AKAP13: variants seen among roughly 807,000 people sequenced by gnomAD.
The protein encoded by AKAP13 is A-kinase anchoring protein 13.
In AKAP13, 80 loss-of-function variants were observed where a neutral mutation model predicts 264.5. The observed-to-expected ratio is 0.30, with a 90% CI of 0.25 to 0.36. The LOEUF (loss-of-function observed/expected upper bound fraction) is 0.36, where lower values mean the gene tolerates loss of function less well. Ranked by LOEUF, AKAP13 falls within the 10% of genes least tolerant of loss-of-function variation. The probability of loss-of-function intolerance (pLI) is 1.00; values close to 1 mark genes in which losing one functional copy is unlikely to be tolerated. For missense variants in AKAP13, 3,712 were observed against 3,435.2 expected (o/e 1.08, Z -2.01); for synonymous variants, 1,380 against 1,250.2 (o/e 1.10, Z -2.19).
chr15:85,491,242 T>G (rs2075712826), intron 2 of AKAP13, among the ~76,000 whole-genome samples: 1 of 151,994 alleles, frequency 6.6e-6, no homozygotes, highest in African/African-American at 2.4e-5. Context: ...CTCCTATCCC[T>G]GTGTGTACTC....
At chr15:85,509,423 T>TG (rs962749434) in intron 2 of AKAP13, among the ~76,000 whole-genome samples, 1 of 152,202 alleles carries the variant, frequency 6.6e-6, no homozygotes, top group Non-Finnish European at 1.5e-5. Flanking sequence ...CATGCTACTT[T>TG]GAGGTAATAC....
intron 2 of AKAP13, among the ~76,000 whole-genome samples, chr15:85,519,895 G>T (rs1028051150): frequency 1.3e-5 from 2 of 152,144 alleles, no homozygotes; most frequent in East Asian, 3.8e-4. Context: ...TCTCTTGTTG[G>T]CTTTAATTGT....
At chr15:85,526,723 G>A (rs1001986453) in intron 3 of AKAP13, among the ~76,000 whole-genome samples, 2 of 152,124 alleles carry the variant, frequency 1.3e-5, no homozygotes, top group African/African-American at 4.8e-5. Context: ...GCCTGGCCCT[G>A]CCCCTGGCAA....
At chr15:85,686,867 C>G (rs1260706582) in intron 16 of AKAP13, among the ~76,000 whole-genome samples, 1 of 152,168 alleles carries the variant, frequency 6.6e-6, no homozygotes, top group Non-Finnish European at 1.5e-5. Flanking sequence ...TAGTCCTGAC[C>G]TTGAAAAACT....
intron 17 of AKAP13, among the ~76,000 whole-genome samples, chr15:85,704,377 T>C (rs1384656922): frequency 1.3e-5 from 2 of 152,248 alleles, no homozygotes; most frequent in Non-Finnish European, 2.9e-5. Context: ...GCTAATGGTT[T>C]GTTTTATTTT....
chr15:85,640,665 AC>A (rs1314870484), intron 9 of AKAP13, among the ~76,000 whole-genome samples: 1 of 152,120 alleles, frequency 6.6e-6, no homozygotes, highest in Non-Finnish European at 1.5e-5. Context: ...GCCTCCTAGA[AC>A]CTTCTACTTA....
chr15:85,580,411 A>G lies in AKAP13; in HGVS notation c.2343A>G (p.Ser781=). Residue 781 remains serine (S), a synonymous_variant, in exon 7 of 37, where the codon TCA becomes TCG. Transcript: ENST00000394518. ...TGGTGCCAGACCAGGCAGTAATATC[A>G]GACAGTACTTTCTCTCTGGCAAACA... ...KELVPDQAVI[S]DSTFSLANSP... is the part of the protein sequence containing the mutation. 6.2e-7 allele frequency: 1 copy of G among 1,614,256 alleles called. No individual in the cohort carries two copies. Among genetic ancestry groups the G allele is most frequent in the Non-Finnish European group, 8.5e-7 (1 of 1,180,048 alleles).
chr15:85,405,588 T>C (rs2071622660), intron 1 of AKAP13, among the ~76,000 whole-genome samples: 1 of 152,344 alleles, frequency 6.6e-6, no homozygotes, highest in African/African-American at 2.4e-5. Flanking sequence ...TGTGAAGATT[T>C]TATCTCTGTG....
chr15:85,741,262 G>A lies in AKAP13; in HGVS notation c.7825G>A (p.Glu2609Lys), dbSNP rs780450433. 1 of 1,610,020 alleles carries A rather than the reference G, an allele frequency of 6.2e-7. No homozygotes were observed. The highest frequency in any genetic ancestry group is 8.5e-7 in the Non-Finnish European group (1 of 1,178,308). Residue 2609 changes from glutamate (E) to lysine (K), a missense_variant, in exon 35 of 37, where the codon GAG (glutamate) becomes AAG (lysine). By Grantham distance (56) the Glu-to-Lys change is moderately conservative. Around this residue, in one of 3 missense-constraint regions of AKAP13, gnomAD observed 611 missense variants for 539.3 expected, o/e 1.13. Transcript: ENST00000394518. ...RRREREWEARERELREREALL... is the reference protein window; with the variant it reads ...RRREREWEARKRELREREALL... The stretch of plus-strand genomic sequence containing the variant: ...GCGCGAGCGTGAGTGGGAAGCTCGT[G>A]AGAGGGAGCTGCGGGAGCGGGAGGC...
chr15:85,420,562 T>C (rs1220567988), intron 1 of AKAP13, among the ~76,000 whole-genome samples: 1 of 152,214 alleles, frequency 6.6e-6, no homozygotes, highest in African/African-American at 2.4e-5. Flanking sequence ...AGTTGATACT[T>C]AAAACTCTTA....
At chr15:85,538,490 CTTTT>C (rs1056287024) in intron 4 of AKAP13, among the ~76,000 whole-genome samples, 2 of 139,076 alleles carry the variant, frequency 1.4e-5, no homozygotes, top group South Asian at 2.3e-4. Flanking sequence ...GCTTTTCTTT[CTTTT>C]TTTTTTTTTT....
intron 12 of AKAP13, 46 bp downstream of exon 12, chr15:85,658,636 C>T (rs763812943): frequency 6.6e-7 from 1 of 1,516,362 alleles, no homozygotes; most frequent in Admixed American, 1.7e-5. Flanking sequence ...CACCTCTGAG[C>T]ATATACTAAC....
intron 22 of AKAP13, 30 bp from the exon 23 acceptor site, chr15:85,719,045 TC>T: frequency 6.2e-7 from 1 of 1,610,580 alleles, no homozygotes; most frequent in Non-Finnish European, 8.5e-7. Flanking sequence ...AAAAGAGTGT[TC>T]CTGACACTTG....
intron 8 of AKAP13, among the ~76,000 whole-genome samples, chr15:85,616,009 CAG>C (rs2080920425): frequency 6.6e-6 from 1 of 152,178 alleles, no homozygotes; most frequent in East Asian, 1.9e-4. Context: ...GTGTTCTCTG[CAG>C]AGAGTAAAAT....
intron 1 of AKAP13, among the ~76,000 whole-genome samples, chr15:85,411,327 C>T (rs2071953867): frequency 6.6e-6 from 1 of 152,142 alleles, no homozygotes; most frequent in African/African-American, 2.4e-5. Flanking sequence ...CCTTTGAGCA[C>T]ACATTTAAAA....
intron 14 of AKAP13, 95 bp downstream of exon 14, chr15:85,669,925 C>T (rs2083821635): frequency 2.4e-6 from 2 of 850,126 alleles, no homozygotes; most frequent in African/African-American, 3.5e-5. Context: ...ACATTACCTG[C>T]CAAAATTTGC....
intron 1 of AKAP13, among the ~76,000 whole-genome samples, chr15:85,403,014 T>C (rs1217696055): frequency 6.6e-6 from 1 of 152,262 alleles, no homozygotes; most frequent in Non-Finnish European, 1.5e-5. Flanking sequence ...TGTTCTTAAC[T>C]GCTTGTTATG....
chr15:85,532,123 T>C lies in AKAP13; in HGVS notation c.182-1461T>C, dbSNP rs117992564. On this transcript the variant is annotated intron_variant, in intron 3 of 36. Coordinates refer to ENST00000394518, the MANE Select transcript of AKAP13 (RefSeq NM_007200.5). Reference sequence around the variant, plus strand: ...GCCTCATAAAATTGTTGTGGAGAGATGACTGTCAGATGCCTGGCGTGTGCT... The same window carrying C: ...GCCTCATAAAATTGTTGTGGAGAGACGACTGTCAGATGCCTGGCGTGTGCT... 9.3e-3 allele frequency among the ~76,000 whole-genome samples: 1,423 copies of C among 152,344 alleles called. 11 individuals carry two copies. Among genetic ancestry groups the C allele is most frequent in the South Asian group, 0.02 (98 of 4,832 alleles).
intron 7 of AKAP13, among the ~76,000 whole-genome samples, chr15:85,584,359 T>A (rs1032046680): frequency 7.0e-4 from 107 of 152,128 alleles, no homozygotes; most frequent in Admixed American, 3.3e-4. Flanking sequence ...GTGTGACTGG[T>A]TGCTGTGCCA....
Sources: allele counts gnomAD v4.1 joint callset (sites outside exome capture counted in the v4.1 genomes callset), GRCh38; gene constraint gnomAD v4.1.1; regional missense constraint gnomAD v4.1.1; transcripts MANE v1.5; gene names NCBI Gene and HGNC (gene_info 2026-07-23, HGNC 2026-07-21).